The following AK4 variants were observed in gnomAD, a reference collection of about 807,000 sequenced individuals.
The protein encoded by AK4 is adenylate kinase 4, mitochondrial.
A neutral mutation model predicts 24.6 loss-of-function variants in AK4; 13 were observed. That is an observed-to-expected ratio of 0.53 (90% CI 0.34 to 0.84). AK4 has a LOEUF of 0.84. Among genes scored for constraint, AK4 ranks in the 40% least tolerant of loss-of-function variants. AK4 has a pLI of 0.01. For synonymous variants in AK4, 88 were observed against 107.0 expected (o/e 0.82, Z 1.10); for missense variants, 192 against 288.2 (o/e 0.67, Z 2.42).
chr1:65,150,290 T>C (rs955671446), intron 1 of AK4, among the ~76,000 whole-genome samples: 1 of 128,638 alleles, frequency 7.8e-6, no homozygotes, highest in African/African-American at 4.8e-5. Context: ...TCTCTCTTTT[T>C]TTTTTTTAAC....
Position 65,231,390 on chromosome 1 carries a change from A to G in AK4, c.*5213A>G, listed in dbSNP as rs1046119507. The stretch of plus-strand genomic sequence containing the variant: ...AGAGATACTGCAGTAAAACATTTCT[A>G]AAGGATGAAAGCTCTTGTATGGCAT... On this transcript the variant is annotated 3_prime_UTR_variant, in exon 5 of 5. Transcript: ENST00000327299. The G allele has an allele frequency of 1.8e-4, 27 of 152,224 alleles. No homozygotes were observed. Among genetic ancestry groups the G allele is most frequent in the African/African-American group, 5.3e-4 (22 of 41,420 alleles). 9.4% of individuals were successfully genotyped at this position (152,224 alleles called of 1,614,324 possible).
At position 65,170,366 on chromosome 1, in the gene AK4, T is replaced by TCA. The variant is rs543805884; in HGVS notation, c.146-20323_146-20322dup. Among the ~76,000 whole-genome samples the TCA allele has an allele frequency of 4.7e-3, 704 of 151,314 alleles. 2 individuals are homozygous for TCA. The highest frequency in any genetic ancestry group is 8.2e-3 in the South Asian group (39 of 4,768). On this transcript the variant is annotated intron_variant, in intron 1 of 4. Transcript: ENST00000327299. ...CTGGGTGACAGAGCGAGACTCCGTCTCACACACACACACACACACACAAAA... is the reference window on the plus strand; with the variant it reads ...CTGGGTGACAGAGCGAGACTCCGTCTCACACACACACACACACACACACAAAA...
intron 1 of AK4, among the ~76,000 whole-genome samples, chr1:65,157,102 A>G (rs1256602811): frequency 6.6e-6 from 1 of 152,152 alleles, no homozygotes; most frequent in Non-Finnish European, 1.5e-5. Flanking sequence ...GGCCTAATAG[A>G]AGAAAACTTT....
intron 1 of AK4, among the ~76,000 whole-genome samples, chr1:65,152,115 A>T (rs1649789919): frequency 6.6e-6 from 1 of 151,906 alleles, no homozygotes; most frequent in African/African-American, 2.4e-5. Flanking sequence ...ATATTTAATG[A>T]TAGATTCTTT....
chr1:65,173,161 G>T (rs1570087832), intron 1 of AK4, among the ~76,000 whole-genome samples: 1 of 152,074 alleles, frequency 6.6e-6, no homozygotes, highest in Non-Finnish European at 1.5e-5. Context: ...ACTGCGCCCG[G>T]CCTAGCAAGA....
intron 1 of AK4, among the ~76,000 whole-genome samples, chr1:65,188,054 G>T (rs1651162666): frequency 6.6e-6 from 1 of 152,064 alleles, no homozygotes; most frequent in African/African-American, 2.4e-5. Flanking sequence ...TGGGGTTGGG[G>T]GTACAGACTC....
At chr1:65,153,223 T>A (rs1053028471) in intron 1 of AK4, among the ~76,000 whole-genome samples, 1 of 152,240 alleles carries the variant, frequency 6.6e-6, no homozygotes, top group African/African-American at 2.4e-5. Flanking sequence ...TAAGTCTGCC[T>A]TAGCCACATG....
At chr1:65,195,830 C>T (rs1332755798) in intron 2 of AK4, among the ~76,000 whole-genome samples, 1 of 152,132 alleles carries the variant, frequency 6.6e-6, no homozygotes, top group Non-Finnish European at 1.5e-5. Context: ...GTGTTCACTT[C>T]AAAAATAGCT....
chr1:65,165,986 T>C (rs1650317388), intron 1 of AK4: 1 of 152,202 alleles, frequency 6.6e-6, no homozygotes, highest in African/African-American at 2.4e-5. Flanking sequence ...AAGTTTCAGG[T>C]GGAGGTATCT....
chr1:65,223,584 A>G (rs1342804662), intron 3 of AK4, among the ~76,000 whole-genome samples: 1 of 152,168 alleles, frequency 6.6e-6, no homozygotes, highest in Admixed American at 6.5e-5. Context: ...AACCTTATGT[A>G]TGATATCAGC....
At chr1:65,186,370 C>T (rs545868043) in intron 1 of AK4, among the ~76,000 whole-genome samples, 37 of 152,262 alleles carry the variant, frequency 2.4e-4, no homozygotes, top group Admixed American at 1.8e-3. Context: ...CATAAGTGAT[C>T]CACCCACCTT....
chr1:65,159,591 C>T (rs1396722151), intron 1 of AK4, among the ~76,000 whole-genome samples: 1 of 151,978 alleles, frequency 6.6e-6, no homozygotes, highest in Non-Finnish European at 1.5e-5. Flanking sequence ...CAGGAGGCTA[C>T]AGTGAGTCTA....
intron 1 of AK4, among the ~76,000 whole-genome samples, chr1:65,186,870 A>T (rs1388956702): frequency 6.6e-6 from 1 of 152,224 alleles, no homozygotes; most frequent in Non-Finnish European, 1.5e-5. Flanking sequence ...AACATTCACT[A>T]CAGCATTATT....
intron 1 of AK4, among the ~76,000 whole-genome samples, chr1:65,180,149 A>G (rs927164223): frequency 6.6e-6 from 1 of 152,132 alleles, no homozygotes; most frequent in Non-Finnish European, 1.5e-5. Context: ...ATTATACTGG[A>G]TTCAGAATTT....
At chr1:65,207,160 A>G (rs1651836444) in intron 2 of AK4, among the ~76,000 whole-genome samples, 1 of 152,152 alleles carries the variant, frequency 6.6e-6, no homozygotes, top group South Asian at 2.1e-4. Flanking sequence ...TAGTGATTGT[A>G]GCATATCTAG....
At chr1:65,223,913 A>G (rs1463662482) in intron 3 of AK4, among the ~76,000 whole-genome samples, 1 of 152,140 alleles carries the variant, frequency 6.6e-6, no homozygotes, top group Non-Finnish European at 1.5e-5. Context: ...GAATCACTTG[A>G]ACCCGGGAGG....
At position 65,177,296 on chromosome 1, in the gene AK4, G is replaced by A. The variant is rs576336514; in HGVS notation, c.146-13414G>A. On this transcript the variant is annotated intron_variant, in intron 1 of 4. Transcript: ENST00000327299. ...ATATCCAAAGGAACAAAAATGAGTA[G>A]GATTATAGTCTTTACAGTTTCAAAG... 3.3e-5 allele frequency among the ~76,000 whole-genome samples: 5 copies of A among 152,098 alleles called. 1 individual carries two copies. The East Asian group carries it at 9.7e-4, about 29-fold the overall frequency.
At chr1:65,151,650 A>G (rs866035166) in intron 1 of AK4, among the ~76,000 whole-genome samples, 4 of 152,212 alleles carry the variant, frequency 2.6e-5, no homozygotes, top group African/African-American at 9.7e-5. Context: ...GAGCTTACCG[A>G]GTCTGTATTA....
chr1:65,224,359 GT>G (rs1188902192), intron 3 of AK4, among the ~76,000 whole-genome samples: 1 of 152,102 alleles, frequency 6.6e-6, no homozygotes, highest in Non-Finnish European at 1.5e-5. Flanking sequence ...TTGAGATTTT[GT>G]TTTCCGCATT....
Sources: allele counts gnomAD v4.1 joint callset (sites outside exome capture counted in the v4.1 genomes callset), GRCh38; gene constraint gnomAD v4.1.1; transcripts MANE v1.5; gene names NCBI Gene and HGNC (gene_info 2026-07-23, HGNC 2026-07-21).